Variants in SRBD1 observed in about 807,000 individuals in gnomAD.
SRBD1 encodes S1 RNA binding domain 1.
Under a neutral mutation model 115.3 loss-of-function variants are expected in SRBD1, and 88 were observed. That is an observed-to-expected ratio of 0.76 (90% CI 0.64 to 0.91). The LOEUF (loss-of-function observed/expected upper bound fraction) is 0.91. SRBD1 is among the 40% of genes least tolerant of loss of function. The probability of loss-of-function intolerance (pLI) is 0.00; values close to 1 mark genes in which losing one functional copy is unlikely to be tolerated. For synonymous variants in SRBD1, 509 were observed against 407.7 expected (o/e 1.25, Z -2.99); for missense variants, 1,385 against 1,177.4 (o/e 1.18, Z -2.58).
chr2:45,421,212 A>C (rs1667988948), intron 16 of SRBD1, among the ~76,000 whole-genome samples: 1 of 152,094 alleles, frequency 6.6e-6, no homozygotes, highest in South Asian at 2.1e-4. Context: ...AGAGGTATTA[A>C]AATGTCAGAA....
In SRBD1 at chr2:45,610,760, T is replaced by A. The variant is rs183028716; in HGVS notation, c.-1+459A>T. On this transcript the variant is annotated intron_variant, in intron 1 of 20. Transcript: ENST00000263736. ...CTCCCACCTCCGATAATTTTAGGTATAAAAACAATCCAGGTAAATTAGCCG... is the reference window on the plus strand; with the variant it reads ...CTCCCACCTCCGATAATTTTAGGTAAAAAAACAATCCAGGTAAATTAGCCG... Among the ~76,000 whole-genome samples, 595 of 152,110 alleles carry A rather than the reference T, an allele frequency of 3.9e-3. 6 individuals are homozygous for A. Among genetic ancestry groups the A allele is most frequent in the African/African-American group, 0.014 (566 of 41,486 alleles).
chr2:45,409,502 C>T (rs1233991223), intron 19 of SRBD1, among the ~76,000 whole-genome samples: 3 of 130,402 alleles, frequency 2.3e-5, no homozygotes, highest in African/African-American at 8.9e-5. Flanking sequence ...AAGGTCCCGG[C>T]CATTGCAATA....
At chr2:45,408,756 T>C (rs1051844052) in intron 19 of SRBD1, among the ~76,000 whole-genome samples, 1 of 152,208 alleles carries the variant, frequency 6.6e-6, no homozygotes, top group Non-Finnish European at 1.5e-5. Flanking sequence ...AGCACTACTA[T>C]AACTAAAATA....
At chr2:45,493,430 A>T (rs1353433123) in intron 14 of SRBD1, among the ~76,000 whole-genome samples, 1 of 152,224 alleles carries the variant, frequency 6.6e-6, no homozygotes, top group Non-Finnish European at 1.5e-5. Flanking sequence ...ACTTCTAAGA[A>T]AATATCAAAG....
chr2:45,528,235 G>A (rs955348110), intron 14 of SRBD1, among the ~76,000 whole-genome samples: 10 of 151,786 alleles, frequency 6.6e-5, no homozygotes, highest in Non-Finnish European at 1.3e-4. Flanking sequence ...TGAACACCAT[G>A]TGTTGGGTTA....
intron 4 of SRBD1, among the ~76,000 whole-genome samples, chr2:45,597,189 G>C (rs1044258038): frequency 6.6e-5 from 10 of 152,132 alleles, no homozygotes; most frequent in South Asian, 2.1e-4. Context: ...GGGAGAAAGA[G>C]GTGGGCGGAT....
At chr2:45,599,174 A>G (rs1487066663) in intron 4 of SRBD1, among the ~76,000 whole-genome samples, 2 of 152,224 alleles carry the variant, frequency 1.3e-5, no homozygotes, top group Non-Finnish European at 2.9e-5. Flanking sequence ...GGGCCCAACC[A>G]GTTGGTACAA....
intron 14 of SRBD1, among the ~76,000 whole-genome samples, chr2:45,491,296 T>C (rs1181577670): frequency 6.6e-6 from 1 of 152,198 alleles, no homozygotes; most frequent in East Asian, 1.9e-4. Flanking sequence ...TTATATAAAA[T>C]TCATATATCT....
intron 16 of SRBD1, among the ~76,000 whole-genome samples, chr2:45,475,594 GA>G (rs1025378088): frequency 2.0e-5 from 3 of 152,112 alleles, no homozygotes; most frequent in Admixed American, 6.5e-5. Context: ...CATAAATTTG[GA>G]ATCTTCTCTT....
At chr2:45,546,975 T>C (rs1045455675) in intron 13 of SRBD1, 136 bp from the exon 14 acceptor site, 6 of 779,174 alleles carry the variant, frequency 7.7e-6, no homozygotes, top group African/African-American at 5.2e-5. Context: ...CTGTCCACTG[T>C]TGCATAAGGA....
intron 9 of SRBD1, among the ~76,000 whole-genome samples, chr2:45,562,986 T>C (rs114292814): frequency 2.6e-3 from 393 of 152,358 alleles, no homozygotes; most frequent in Non-Finnish European, 5.0e-3. Flanking sequence ...CTAACACATT[T>C]ACAAGAAGAG....
chr2:45,533,720 C>T (rs1671681840), intron 14 of SRBD1, among the ~76,000 whole-genome samples: 1 of 151,984 alleles, frequency 6.6e-6, no homozygotes, highest in South Asian at 2.1e-4. Context: ...TTATCAAAAA[C>T]ACTGATACAA....
At chr2:45,488,360 C>G (rs1670184919) in intron 14 of SRBD1, 29 bp from the exon 15 acceptor site, 1 of 1,587,960 alleles carries the variant, frequency 6.3e-7, no homozygotes, top group South Asian at 1.1e-5. Flanking sequence ...GGGAATATCA[C>G]TTTCCTAACT....
intron 16 of SRBD1, among the ~76,000 whole-genome samples, chr2:45,422,573 T>G (rs568139100): frequency 6.6e-6 from 1 of 152,210 alleles, no homozygotes; most frequent in Non-Finnish European, 1.5e-5. Context: ...ATGCAGCCAA[T>G]TGAGACTATC....
chr2:45,559,274 A>G (rs1369632466), intron 10 of SRBD1, among the ~76,000 whole-genome samples: 1 of 152,078 alleles, frequency 6.6e-6, no homozygotes, highest in African/African-American at 2.4e-5. Context: ...TTGGCTTCCC[A>G]CCATCCTTAA....
At chr2:45,453,440 C>A (rs2103749666) in intron 16 of SRBD1, among the ~76,000 whole-genome samples, 1 of 151,802 alleles carries the variant, frequency 6.6e-6, no homozygotes, top group East Asian at 1.9e-4. Flanking sequence ...TTATAGTATA[C>A]AGAAAATACA....
At chr2:45,549,457 TA>T (rs1398479135) in intron 12 of SRBD1, among the ~76,000 whole-genome samples, 1 of 151,870 alleles carries the variant, frequency 6.6e-6, no homozygotes, top group South Asian at 2.1e-4. Context: ...ATAGAATGAT[TA>T]TTTTTTTAAG....
At chr2:45,449,907 C>A (rs1225131061) in intron 16 of SRBD1, among the ~76,000 whole-genome samples, 1 of 152,038 alleles carries the variant, frequency 6.6e-6, no homozygotes, top group Non-Finnish European at 1.5e-5. Context: ...GTGATCAGGG[C>A]TTCATAAGGG....
intron 20 of SRBD1, among the ~76,000 whole-genome samples, chr2:45,391,273 C>T (rs78237412): frequency 6.6e-6 from 1 of 152,124 alleles, no homozygotes; most frequent in South Asian, 2.1e-4. Flanking sequence ...GCATTTTCAG[C>T]CCCTGTGTCT....
Sources: allele counts gnomAD v4.1 joint callset (sites outside exome capture counted in the v4.1 genomes callset), GRCh38; gene constraint gnomAD v4.1.1; transcripts MANE v1.5; gene names NCBI Gene and HGNC (gene_info 2026-07-23, HGNC 2026-07-21).